FGF14: variants seen among roughly 807,000 people sequenced by gnomAD.
The protein encoded by FGF14 is fibroblast growth factor 14.
Under a neutral mutation model 25.5 loss-of-function variants are expected in FGF14, and 5 were observed. That is an observed-to-expected ratio of 0.20 (90% confidence interval 0.10 to 0.41). FGF14 has a LOEUF of 0.41. FGF14 is among the 10% of genes least tolerant of loss of function. FGF14 has a pLI of 1.00. For synonymous variants in FGF14, 138 were observed against 118.3 expected (o/e 1.17, Z -1.08); for missense variants, 222 against 320.1 (o/e 0.69, Z 2.34).
chr13:101,874,346 T>C (rs1158234111), intron 2 of FGF14, among the ~76,000 whole-genome samples: 1 of 152,144 alleles, frequency 6.6e-6, no homozygotes, highest in Non-Finnish European at 1.5e-5. Context: ...TTCATATCTA[T>C]TTTTGATCCA....
intron 1 of FGF14, among the ~76,000 whole-genome samples, chr13:102,271,342 G>A (rs1460220897): frequency 6.6e-6 from 1 of 151,984 alleles, no homozygotes; most frequent in Non-Finnish European, 1.5e-5. Flanking sequence ...TCACCATTCT[G>A]TCTCGTCCAT....
chr13:102,281,946 G>GA (rs771080408), intron 1 of FGF14, among the ~76,000 whole-genome samples: 8 of 152,090 alleles, frequency 5.3e-5, no homozygotes, highest in Admixed American at 2.6e-4. Flanking sequence ...ACCAAAGAAA[G>GA]AAAATCATAT....
intron 1 of FGF14, among the ~76,000 whole-genome samples, chr13:102,281,690 C>CTTTTTTTT (rs539883822): frequency 7.4e-6 from 1 of 135,050 alleles, no homozygotes. Flanking sequence ...ATCCTAACTT[C>CTTTTTTTT]TTTTTTTTTT....
chr13:102,021,350 C>G (rs76719169), intron 1 of FGF14, among the ~76,000 whole-genome samples: 158 of 152,086 alleles, frequency 1.0e-3, no homozygotes, highest in African/African-American at 3.6e-3. Context: ...AGAGTAAGTG[C>G]GTTGTGCTCT....
intron 1 of FGF14, among the ~76,000 whole-genome samples, chr13:102,306,846 T>A (rs2055409894): frequency 6.6e-6 from 1 of 152,138 alleles, no homozygotes; most frequent in Non-Finnish European, 1.5e-5. Context: ...CTAACTTGTA[T>A]GCACAATAAA....
chr13:101,883,419 AT>A (rs1323928333), intron 1 of FGF14, among the ~76,000 whole-genome samples: 1 of 152,200 alleles, frequency 6.6e-6, no homozygotes, highest in Non-Finnish European at 1.5e-5. Flanking sequence ...ATGTTTTCAA[AT>A]GCCAAGATAT....
chr13:101,966,908 T>C (rs553612636), intron 1 of FGF14, among the ~76,000 whole-genome samples: 1 of 152,302 alleles, frequency 6.6e-6, no homozygotes, highest in Admixed American at 6.5e-5. Flanking sequence ...CCGGCTCATA[T>C]AATGAAAGAA....
chr13:102,361,942 C>G (rs1485431378), intron 1 of FGF14, among the ~76,000 whole-genome samples: 1 of 152,000 alleles, frequency 6.6e-6, no homozygotes, highest in Non-Finnish European at 1.5e-5. Flanking sequence ...GTGTCAGTAG[C>G]CCAGTCTCCT....
chr13:102,372,541 A>G (rs2057916687), intron 1 of FGF14, among the ~76,000 whole-genome samples: 1 of 152,148 alleles, frequency 6.6e-6, no homozygotes, highest in East Asian at 1.9e-4. Context: ...TAAGGGCGTC[A>G]ACCATCCCCT....
At chr13:102,160,000 G>T (rs1449561622) in intron 1 of FGF14, among the ~76,000 whole-genome samples, 1 of 152,124 alleles carries the variant, frequency 6.6e-6, no homozygotes, top group Non-Finnish European at 1.5e-5. Flanking sequence ...TGAAAACTTA[G>T]TATAGGTCCA....
rs920485952 is a variant in FGF14, at chr13:102,281,792, C to T, written c.208+119679G>A. Among the ~76,000 whole-genome samples, 8 of 151,600 alleles carry T rather than the reference C, an allele frequency of 5.3e-5. No homozygotes were observed. The East Asian group carries it at 1.4e-3, about 26-fold the overall frequency. ...TTTCTCATCTCTCCCAGCTTCAAGC[C>T]TCTATTTCCAAAAGCATACACTACA... is the stretch of plus-strand genomic sequence containing the variant. On this transcript the variant is annotated intron_variant, in intron 1 of 4. Transcript: ENST00000376131.
At chr13:101,968,680 A>AAAAAAAC (rs1187182112) in intron 1 of FGF14, among the ~76,000 whole-genome samples, 2 of 151,716 alleles carry the variant, frequency 1.3e-5, no homozygotes, top group Non-Finnish European at 2.9e-5. Flanking sequence ...CTCCAAAAAA[A>AAAAAAAC]AAAAAAAAAA....
intron 1 of FGF14, among the ~76,000 whole-genome samples, chr13:102,069,197 GAC>G (rs1336254808): frequency 6.6e-6 from 1 of 152,120 alleles, no homozygotes; most frequent in Non-Finnish European, 1.5e-5. Context: ...TGCGCCAATT[GAC>G]ACTCTGTATC....
intron 1 of FGF14, among the ~76,000 whole-genome samples, chr13:101,989,082 C>A (rs1156333209): frequency 6.6e-6 from 1 of 151,820 alleles, no homozygotes; most frequent in Admixed American, 6.6e-5. Context: ...CTTTCTGGCA[C>A]TAAAAGTGAT....
At chr13:101,983,715 C>T (rs919573461) in intron 1 of FGF14, among the ~76,000 whole-genome samples, 1 of 152,082 alleles carries the variant, frequency 6.6e-6, no homozygotes, top group Non-Finnish European at 1.5e-5. Context: ...TTAGTATTGA[C>T]AGAATAAATA....
At chr13:101,853,134 G>T (rs754969807) in intron 3 of FGF14, among the ~76,000 whole-genome samples, 12 of 151,994 alleles carry the variant, frequency 7.9e-5, no homozygotes, top group Non-Finnish European at 1.6e-4. Flanking sequence ...AGAGTGTGTA[G>T]AATGATCACA....
At chr13:102,186,853 CA>C (rs1481923401) in intron 1 of FGF14, among the ~76,000 whole-genome samples, 3 of 152,116 alleles carry the variant, frequency 2.0e-5, no homozygotes, top group Non-Finnish European at 4.4e-5. Flanking sequence ...TGCACATATG[CA>C]AGCAATGCAG....
chr13:101,790,804 C>A (rs538838552), intron 3 of FGF14, among the ~76,000 whole-genome samples: 1 of 152,148 alleles, frequency 6.6e-6, no homozygotes, highest in East Asian at 1.9e-4. Context: ...GATCTTGGAT[C>A]ACATTATGAT....
At chr13:102,079,660 A>T (rs2140188167) in intron 1 of FGF14, among the ~76,000 whole-genome samples, 1 of 152,290 alleles carries the variant, frequency 6.6e-6, no homozygotes, top group South Asian at 2.1e-4. Context: ...CAAAACACAG[A>T]GAGTCTGTGT....
Sources: allele counts gnomAD v4.1 joint callset (sites outside exome capture counted in the v4.1 genomes callset), GRCh38; gene constraint gnomAD v4.1.1; transcripts MANE v1.5; gene names NCBI Gene and HGNC (gene_info 2026-07-23, HGNC 2026-07-21).